USP45: variants seen among roughly 807,000 people sequenced by gnomAD.
The protein encoded by USP45 is ubiquitin carboxyl-terminal hydrolase 45.
In USP45, 89 loss-of-function variants were observed where a neutral mutation model predicts 95.8. The ratio of observed to expected loss-of-function variants is 0.93; its 90% CI spans 0.78 to 1.11. The LOEUF is 1.11. Among genes scored for constraint, USP45 ranks in the 50% least tolerant of loss-of-function variants. USP45 has a pLI of 0.00. For missense variants in USP45, 898 were observed against 942.5 expected, an observed-to-expected ratio of 0.95 and a Z score of 0.62; for synonymous variants, 281 against 316.2, an observed-to-expected ratio of 0.89 and a Z score of 1.18.
intron 13 of USP45, among the ~76,000 whole-genome samples, chr6:99,463,528 G>C (rs540090231): frequency 4.6e-5 from 7 of 152,100 alleles, no homozygotes; most frequent in African/African-American, 1.7e-4. Context: ...AGAGGGAGAG[G>C]GAATCTGTAG....
intron 5 of USP45, among the ~76,000 whole-genome samples, chr6:99,501,043 G>A (rs1187784666): frequency 1.3e-5 from 2 of 152,082 alleles, no homozygotes; most frequent in Non-Finnish European, 2.9e-5. Flanking sequence ...TGCTTCAAAG[G>A]CAACTCAAAA....
At chr6:99,452,118 G>A (rs897346425) in intron 13 of USP45, among the ~76,000 whole-genome samples, 4 of 152,148 alleles carry the variant, frequency 2.6e-5, no homozygotes, top group Non-Finnish European at 5.9e-5. Context: ...ACATAGGCAT[G>A]GGCAAGGACT....
At chr6:99,491,011 A>C (rs1795052774) in intron 5 of USP45, among the ~76,000 whole-genome samples, 1 of 152,164 alleles carries the variant, frequency 6.6e-6, no homozygotes, top group Admixed American at 6.5e-5. Flanking sequence ...TTATTCTTTA[A>C]ATGTTATTGG....
intron 5 of USP45, among the ~76,000 whole-genome samples, chr6:99,496,834 A>G (rs1275302124): frequency 1.3e-5 from 2 of 151,640 alleles, no homozygotes; most frequent in Admixed American, 1.3e-4. Flanking sequence ...GATTTTCCAT[A>G]TCCCCCCTAC....
In USP45 at chr6:99,434,770, A is replaced by G. The variant is rs1320758390; in HGVS notation, c.*946T>C. 1 of 152,204 alleles carries G rather than the reference A, an allele frequency of 6.6e-6. No homozygotes were observed. The highest frequency in any genetic ancestry group is 1.5e-5 in the Non-Finnish European group (1 of 68,012). The allele number at this position is 152,204 out of a possible 1,614,324, so 9.4% of individuals were successfully genotyped here. On this transcript the variant is annotated 3_prime_UTR_variant, in exon 18 of 18. Transcript: ENST00000500704. Reference sequence around the variant, plus strand: ...ATATAATTCTCTATCATTTACAAATATAATTTGGTAATTTATATTTCAAAG... The same window carrying G: ...ATATAATTCTCTATCATTTACAAATGTAATTTGGTAATTTATATTTCAAAG...
chr6:99,468,586 G>A lies in USP45; in HGVS notation c.966C>T (p.Asn322=). 2 of 1,609,172 alleles carry A rather than the reference G, an allele frequency of 1.2e-6. No homozygotes were observed. Among genetic ancestry groups the A allele is most frequent in the Non-Finnish European group, 1.7e-6 (2 of 1,177,052 alleles). Residue 322 remains asparagine (N), a synonymous_variant, in exon 10 of 18, where the codon AAC becomes AAT. Transcript: ENST00000500704. Reference sequence around the variant, plus strand: ...CATCAGCAGTTTTAGTAGTTGGGTTGTTAAATGCTTTTAGAATGCTAGCTT... The same window carrying A: ...CATCAGCAGTTTTAGTAGTTGGGTTATTAAATGCTTTTAGAATGCTAGCTT... The part of the protein sequence containing the change: ...RIQASILKAF[N]NPTTKTADDE...
In USP45 at chr6:99,507,434, A is replaced by C; in HGVS notation, c.371T>G (p.Ile124Ser). ...HCIIINLSTW[I>S]IWCYECDEKL... ...CTAACAAAATTTAACTTACCATATAATCCATGTGCTCAGATTAATTATAAT... is the reference window on the plus strand; with the variant it reads ...CTAACAAAATTTAACTTACCATATACTCCATGTGCTCAGATTAATTATAAT... The change falls in exon 4 of 18, where the codon ATT becomes AGT. Residue 124 changes from isoleucine (I) to serine (S), a missense_variant. Physicochemically the swap from Ile to Ser is moderately radical, Grantham distance 142. Coordinates refer to ENST00000500704, the MANE Select transcript of USP45 (RefSeq NM_001346022.3). The C allele has an allele frequency of 1.3e-6, 2 of 1,596,778 alleles. No homozygotes were observed. Among genetic ancestry groups the C allele is most frequent in the Non-Finnish European group, 1.7e-6 (2 of 1,169,904 alleles).
chr6:99,453,028 G>C (rs1184589045), intron 13 of USP45, among the ~76,000 whole-genome samples: 1 of 152,126 alleles, frequency 6.6e-6, no homozygotes, highest in African/African-American at 2.4e-5. Context: ...AGCCTGTTGT[G>C]GGGTGGCGGG....
At chr6:99,512,357 T>C (rs1800074765) in intron 1 of USP45, among the ~76,000 whole-genome samples, 1 of 152,200 alleles carries the variant, frequency 6.6e-6, no homozygotes, top group South Asian at 2.1e-4. Context: ...AGAATACTCT[T>C]TCGACAGCAA....
intron 9 of USP45, among the ~76,000 whole-genome samples, chr6:99,473,981 C>G (rs1459453229): frequency 1.3e-5 from 2 of 151,972 alleles, no homozygotes; most frequent in Non-Finnish European, 1.5e-5. Context: ...AGGAATGACA[C>G]CTCTAAAAGC....
At position 99,510,246 on chromosome 6, in the gene USP45, GA is replaced by G. The variant is rs768026152; in HGVS notation, c.-10-17del. ...CTGTTATTTACTGAAGGGATTGAGG[GA>G]AAAAAATTCATACATTTTAGTCTTC... On this transcript the variant is annotated splice_polypyrimidine_tract_variant and intron_variant, in intron 1 of 17. Coordinates refer to ENST00000500704, the MANE Select transcript of USP45 (RefSeq NM_001346022.3). 2.6e-6 allele frequency: 4 copies of G among 1,566,362 alleles called. No individual in the cohort carries two copies. Among genetic ancestry groups the G allele is most frequent in the African/African-American group, 1.4e-5 (1 of 73,202 alleles).
At chr6:99,490,994 GT>G (rs1394882484) in intron 5 of USP45, among the ~76,000 whole-genome samples, 3 of 151,904 alleles carry the variant, frequency 2.0e-5, no homozygotes, top group African/African-American at 7.2e-5. Flanking sequence ...CCCTATTCCT[GT>G]TTTTTTTATT....
chr6:99,435,947 C>T, intron 17 of USP45, 101 bp from the exon 18 acceptor site: 1 of 1,175,680 alleles, frequency 8.5e-7, no homozygotes, highest in Non-Finnish European at 1.1e-6. Flanking sequence ...CTATCTAATG[C>T]CAAATTTTAC....
chr6:99,505,526 C>T (rs9321571), intron 4 of USP45, among the ~76,000 whole-genome samples: 119,328 of 151,156 alleles, frequency 0.79, 47,361 homozygotes, highest in East Asian at 0.99. Context: ...ATTAGCAGGG[C>T]GTGGTGGCGG....
At position 99,446,392 on chromosome 6, in the gene USP45, A is replaced by G; in HGVS notation, c.1380T>C (p.Asn460=). The change falls in exon 14 of 18, where the codon AAT becomes AAC. Residue 460 remains asparagine (N), a synonymous_variant. Coordinates refer to ENST00000500704, the MANE Select transcript of USP45 (RefSeq NM_001346022.3). ...AATCCCCATTCATTTCAAGGTTTTC[A>G]TTTTTCTGGTATGTGACAGTTTCTC... is the stretch of plus-strand genomic sequence containing the variant. The part of the protein sequence containing the change: ...SSGETVTYQK[N]ENLEMNGDSL... The G allele has an allele frequency of 1.2e-6, 2 of 1,614,118 alleles. No homozygotes were observed. The highest frequency in any genetic ancestry group is 1.7e-6 in the Non-Finnish European group (2 of 1,180,020).
At position 99,511,841 on chromosome 6, in the gene USP45, GTGTGTATATATATATATATATATATA is replaced by G. The variant is rs1440560005; in HGVS notation, c.-10-1637_-10-1612del. 2.3e-3 allele frequency among the ~76,000 whole-genome samples: 304 copies of G among 133,570 alleles called. 7 individuals carry two copies. The highest frequency in any genetic ancestry group is 8.2e-3 in the African/African-American group (290 of 35,562). The allele number at this position is 133,570 out of a possible 152,430, so 87.6% of individuals were successfully genotyped here. A position where few individuals can be genotyped will look rare whatever the true frequency, so the allele number is the denominator to read the frequency against. On this transcript the variant is annotated intron_variant, in intron 1 of 17. Transcript: ENST00000500704. ...GAGAGACACATATATGTATGTGAGT[GTGTGTATATATATATATATATATATA>G]TATATATATATATATATATACACAT...
intron 5 of USP45, among the ~76,000 whole-genome samples, chr6:99,499,897 C>A (rs1797031840): frequency 6.6e-6 from 1 of 152,204 alleles, no homozygotes; most frequent in Admixed American, 6.5e-5. Context: ...AAACAGAAAT[C>A]TTACTCTACT....
intron 4 of USP45, among the ~76,000 whole-genome samples, chr6:99,504,191 A>C (rs1183136060): frequency 6.6e-6 from 1 of 152,188 alleles, no homozygotes; most frequent in Admixed American, 6.5e-5. Flanking sequence ...CCCAGGCTGG[A>C]GTGCAGCTGT....
intron 13 of USP45, among the ~76,000 whole-genome samples, chr6:99,459,411 G>A (rs1031198169): frequency 3.3e-5 from 5 of 152,078 alleles, no homozygotes; most frequent in Non-Finnish European, 7.4e-5. Flanking sequence ...TTGATTCCAT[G>A]TCTTTGCTAT....
Sources: gnomAD v4.1 joint callset for allele counts (sites outside exome capture counted in the v4.1 genomes callset) on GRCh38, gnomAD v4.1.1 for gene constraint, MANE v1.5 for transcripts, NCBI Gene and HGNC (gene_info 2026-07-23, HGNC 2026-07-21) for gene names.